SLC24A2: variants seen among roughly 807,000 people sequenced by gnomAD.
The protein encoded by SLC24A2 is sodium/potassium/calcium exchanger 2.
SLC24A2 carries 36 observed loss-of-function variants against 62.0 expected under a neutral mutation model. That is an observed-to-expected ratio of 0.58 (90% confidence interval 0.44 to 0.77). The LOEUF (loss-of-function observed/expected upper bound fraction) is 0.77. Ranked by LOEUF, SLC24A2 falls within the 30% of genes least tolerant of loss-of-function variation. SLC24A2 has a pLI of 0.00. For missense variants in SLC24A2, 846 were observed against 817.9 expected (o/e 1.03, Z -0.42); for synonymous variants, 358 against 294.0 (o/e 1.22, Z -2.23).
At chr9:19,895,865 G>A in the SLC24A2 span, 13 of 1,611,728 alleles carry the variant, frequency 8.1e-6, no homozygotes, top group Non-Finnish European at 1.1e-5. Context: ...AAGAAGGGGT[G>A]CAGCAGGGCC....
intron 5 of SLC24A2, among the ~76,000 whole-genome samples, chr9:19,592,091 G>A (rs74359685): frequency 0.023 from 3,514 of 152,264 alleles, 56 homozygotes; most frequent in Non-Finnish European, 0.027. Flanking sequence ...CAAATGATTG[G>A]CTAGACAATG....
At chr9:19,976,370 T>C in the SLC24A2 span, among the ~76,000 whole-genome samples, 1 of 152,230 alleles carries the variant, frequency 6.6e-6, no homozygotes, top group African/African-American at 2.4e-5. Flanking sequence ...GCTATTCTTA[T>C]GATAGTGAAT....
At chr9:20,101,339 G>C in the SLC24A2 span, among the ~76,000 whole-genome samples, 2 of 152,292 alleles carry the variant, frequency 1.3e-5, no homozygotes, top group South Asian at 4.1e-4. Flanking sequence ...CAGAGCCTTT[G>C]TTCAGTACCT....
At chr9:20,242,242 G>A in the SLC24A2 span, among the ~76,000 whole-genome samples, 2 of 152,302 alleles carry the variant, frequency 1.3e-5, no homozygotes, top group East Asian at 1.9e-4. Flanking sequence ...GACCATTTAG[G>A]TAGAAGAAGA....
the SLC24A2 span, among the ~76,000 whole-genome samples, chr9:19,902,599 T>C: frequency 6.6e-6 from 1 of 151,844 alleles, no homozygotes; most frequent in Non-Finnish European, 1.5e-5. Context: ...GCAGAGTGAG[T>C]GTTCTTTGTA....
upstream of SLC24A2, chr9:19,789,043 G>T (rs1440429252): frequency 2.8e-6 from 2 of 722,800 alleles, no homozygotes; most frequent in African/African-American, 1.9e-5. Context: ...AGACTGAGCC[G>T]CTGTGAGCCC....
the SLC24A2 span, among the ~76,000 whole-genome samples, chr9:19,981,918 A>T: frequency 6.6e-6 from 1 of 152,194 alleles, no homozygotes; most frequent in Non-Finnish European, 1.5e-5. Context: ...CTCCCTACCC[A>T]CTATGAGATT....
the SLC24A2 span, among the ~76,000 whole-genome samples, chr9:19,799,455 C>T: frequency 6.6e-5 from 10 of 152,304 alleles, no homozygotes; most frequent in Admixed American, 5.2e-4. Flanking sequence ...ACTCACTCAT[C>T]TTTTACTGTG....
the SLC24A2 span, among the ~76,000 whole-genome samples, chr9:19,857,018 C>T: frequency 6.6e-6 from 1 of 152,094 alleles, no homozygotes; most frequent in African/African-American, 2.4e-5. Context: ...TGTATTTTAA[C>T]TTTATTGTTA....
intron 2 of SLC24A2, 55 bp downstream of exon 2, chr9:19,785,882 A>G (rs1220539407): frequency 8.7e-6 from 14 of 1,612,480 alleles, no homozygotes; most frequent in African/African-American, 1.3e-5. Context: ...CAAAAACATA[A>G]TAATTCAGAA....
chr9:19,846,991 C>T, the SLC24A2 span, among the ~76,000 whole-genome samples: 1 of 152,084 alleles, frequency 6.6e-6, no homozygotes. Flanking sequence ...CATTGCTCTC[C>T]AGCCTGGGTG....
chr9:19,873,752 A>G, the SLC24A2 span, among the ~76,000 whole-genome samples: 1 of 152,114 alleles, frequency 6.6e-6, no homozygotes, highest in African/African-American at 2.4e-5. Context: ...GAGCCTACCC[A>G]TAGTAATGGT....
At chr9:19,581,864 A>AT (rs1367403680) in intron 5 of SLC24A2, among the ~76,000 whole-genome samples, 1 of 152,194 alleles carries the variant, frequency 6.6e-6, no homozygotes, top group Non-Finnish European at 1.5e-5. Flanking sequence ...TGAAGGAGTT[A>AT]TTTTTAACAT....
the SLC24A2 span, among the ~76,000 whole-genome samples, chr9:20,119,542 T>G: frequency 3.3e-5 from 5 of 152,054 alleles, no homozygotes; most frequent in African/African-American, 7.2e-5. Context: ...AAAAAAACAC[T>G]TGACAAAATT....
the SLC24A2 span, among the ~76,000 whole-genome samples, chr9:20,265,565 C>T: frequency 2.0e-5 from 3 of 152,146 alleles, no homozygotes; most frequent in African/African-American, 4.8e-5. Flanking sequence ...TTAATCCTGT[C>T]GTTTTCATAA....
chr9:19,566,379 C>T, intron 7 of SLC24A2, among the ~76,000 whole-genome samples: 1 of 148,472 alleles, frequency 6.7e-6, no homozygotes, highest in Non-Finnish European at 1.5e-5. Context: ...CATCACTGGC[C>T]ATCAGAGAAA....
At chr9:20,054,472 G>T in the SLC24A2 span, among the ~76,000 whole-genome samples, 114 of 152,282 alleles carry the variant, frequency 7.5e-4, no homozygotes, top group Non-Finnish European at 1.5e-3. Flanking sequence ...AATTACAGGC[G>T]TGAGCCACTG....
chr9:19,692,336 C>T (rs13285284), intron 2 of SLC24A2, among the ~76,000 whole-genome samples: 28,431 of 152,050 alleles, frequency 0.19, 2,860 homozygotes, highest in Middle Eastern at 0.24. Context: ...TTTTTTTCCA[C>T]TAGAATTTTA....
chr9:20,091,492 C>T, the SLC24A2 span, among the ~76,000 whole-genome samples: 1 of 152,110 alleles, frequency 6.6e-6, no homozygotes, highest in Admixed American at 6.5e-5. Flanking sequence ...ATCAGGCTAC[C>T]AGACCACCTC....
Sources: allele counts gnomAD v4.1 joint callset (sites outside exome capture counted in the v4.1 genomes callset), GRCh38; gene constraint gnomAD v4.1.1; transcripts MANE v1.5; gene names NCBI Gene and HGNC (gene_info 2026-07-23, HGNC 2026-07-21).